The following CTNNA3 variants were observed in gnomAD, a reference collection of about 807,000 sequenced individuals.
CTNNA3 encodes the protein catenin alpha-3.
A neutral mutation model predicts 95.7 loss-of-function variants in CTNNA3; 76 were observed. That is an observed-to-expected ratio of 0.79 (90% CI 0.66 to 0.96). CTNNA3 has a LOEUF of 0.96. CTNNA3 is among the 40% of genes least tolerant of loss of function. The pLI, the probability that CTNNA3 is intolerant of heterozygous loss-of-function variation, is 0.00. For synonymous variants in CTNNA3, 431 were observed against 374.4 expected, an observed-to-expected ratio of 1.15 and a Z score of -1.74; for missense variants, 1,191 against 1,089.8, an observed-to-expected ratio of 1.09 and a Z score of -1.31.
chr10:67,485,938 T>C lies in CTNNA3; in HGVS notation c.579+35904A>G, dbSNP rs79943783. Among the ~76,000 whole-genome samples, 4,450 of 152,290 alleles carry C rather than the reference T, an allele frequency of 0.029. 413 individuals are homozygous for C. The East Asian group carries it at 0.34, about 12-fold the overall frequency. ...CTTTTGTTTCAGTGAAATTCATATT[T>C]TCCCTACAGGGATATAAATAATGCC... On this transcript the variant is annotated intron_variant, in intron 5 of 17. Transcript: ENST00000433211.
chr10:67,389,958 A>G (rs1199700607), intron 5 of CTNNA3, among the ~76,000 whole-genome samples: 2 of 151,338 alleles, frequency 1.3e-5, no homozygotes, highest in East Asian at 1.9e-4. Flanking sequence ...AGAAAGCAGG[A>G]AAGATCCAAA....
chr10:67,169,976 T>A (rs1301393327), intron 7 of CTNNA3, among the ~76,000 whole-genome samples: 1 of 152,148 alleles, frequency 6.6e-6, no homozygotes, highest in Non-Finnish European at 1.5e-5. Flanking sequence ...TGAACACACT[T>A]TTCAAAAGAA....
chr10:66,941,751 G>T (rs1413947934), intron 7 of CTNNA3, among the ~76,000 whole-genome samples: 1 of 152,170 alleles, frequency 6.6e-6, no homozygotes, highest in Non-Finnish European at 1.5e-5. Flanking sequence ...GCTGAGTGTG[G>T]CTGAAAGAGG....
intron 13 of CTNNA3, among the ~76,000 whole-genome samples, chr10:66,130,218 G>T (rs1339235033): frequency 1.3e-5 from 2 of 152,116 alleles, no homozygotes; most frequent in Non-Finnish European, 2.9e-5. Flanking sequence ...TAAAGCAGTG[G>T]TAAGAGGGAA....
intron 9 of CTNNA3, among the ~76,000 whole-genome samples, chr10:66,662,224 A>T (rs529328095): frequency 6.6e-6 from 1 of 152,318 alleles, no homozygotes; most frequent in African/African-American, 2.4e-5. Context: ...AACTTTTCTT[A>T]AAACAATGGA....
intron 9 of CTNNA3, among the ~76,000 whole-genome samples, chr10:66,734,398 T>C (rs1327908801): frequency 6.6e-6 from 1 of 152,154 alleles, no homozygotes; most frequent in Non-Finnish European, 1.5e-5. Flanking sequence ...CTATTAGTTG[T>C]TAATATAATA....
intron 14 of CTNNA3, among the ~76,000 whole-genome samples, chr10:66,102,685 T>TGTGGTGGTGGTGGCAGTG (rs1161939077): frequency 1.3e-5 from 2 of 151,756 alleles, no homozygotes; most frequent in Non-Finnish European, 2.9e-5. Flanking sequence ...TTTGGAGTTG[T>TGTGGTGGTGGTGGCAGTG]GTGGTGGTGG....
At chr10:66,845,381 T>C (rs533894302) in intron 7 of CTNNA3, among the ~76,000 whole-genome samples, 5 of 152,200 alleles carry the variant, frequency 3.3e-5, no homozygotes, top group South Asian at 2.1e-4. Flanking sequence ...GGCAAAGATA[T>C]GGTAATGGAC....
intron 11 of CTNNA3, among the ~76,000 whole-genome samples, chr10:66,400,874 T>A (rs978192142): frequency 2.6e-5 from 4 of 152,112 alleles, no homozygotes; most frequent in Non-Finnish European, 4.4e-5. Flanking sequence ...ACTAGTATAA[T>A]TGGGTGTGTC....
At chr10:67,306,048 T>C (rs1368480236) in intron 5 of CTNNA3, among the ~76,000 whole-genome samples, 1 of 152,088 alleles carries the variant, frequency 6.6e-6, no homozygotes, top group Non-Finnish European at 1.5e-5. Flanking sequence ...GGGGTGGAAC[T>C]AGAAGTCAAA....
At chr10:67,340,030 C>T (rs1391218713) in intron 5 of CTNNA3, among the ~76,000 whole-genome samples, 1 of 151,986 alleles carries the variant, frequency 6.6e-6, no homozygotes, top group Admixed American at 6.6e-5. Flanking sequence ...ATTTAAATGC[C>T]TAATAAAATA....
chr10:66,786,239 C>T (rs1457137264), intron 7 of CTNNA3, among the ~76,000 whole-genome samples: 2 of 152,068 alleles, frequency 1.3e-5, no homozygotes, highest in Non-Finnish European at 2.9e-5. Flanking sequence ...ATATACTCTC[C>T]TCAAATTACC....
intron 13 of CTNNA3, among the ~76,000 whole-genome samples, chr10:66,172,584 G>A (rs1054723634): frequency 2.6e-5 from 4 of 151,570 alleles, no homozygotes; most frequent in Non-Finnish European, 5.9e-5. Context: ...CATTATTTGC[G>A]AGAAAATTTC....
At chr10:66,418,452 T>G (rs186798122) in intron 11 of CTNNA3, among the ~76,000 whole-genome samples, 353 of 151,018 alleles carry the variant, frequency 2.3e-3, no homozygotes, top group African/African-American at 6.9e-3. Context: ...AAACAAGAAC[T>G]AATACCAATC....
chr10:66,083,902 G>A lies in CTNNA3; in HGVS notation c.1978-14413C>T, dbSNP rs376038109. Among the ~76,000 whole-genome samples, 5 of 152,158 alleles carry A rather than the reference G, an allele frequency of 3.3e-5. No individual in the cohort carries two copies. In the East Asian group the frequency reaches 5.8e-4, roughly 18 times the overall value. On this transcript the variant is annotated intron_variant, in intron 14 of 17. Transcript: ENST00000433211. ...TGTAATCCCAGCACTTTGGGAGGCCGAGGCAGGTGGATTACCTAAGGTTGG... is the reference window on the plus strand; with the variant it reads ...TGTAATCCCAGCACTTTGGGAGGCCAAGGCAGGTGGATTACCTAAGGTTGG...
At chr10:66,675,778 T>G (rs1846831886) in intron 9 of CTNNA3, among the ~76,000 whole-genome samples, 1 of 152,250 alleles carries the variant, frequency 6.6e-6, no homozygotes, top group Non-Finnish European at 1.5e-5. Context: ...ACTGTTTGGG[T>G]TACTATTTGC....
At chr10:66,879,302 A>G (rs903800272) in intron 7 of CTNNA3, among the ~76,000 whole-genome samples, 1 of 152,174 alleles carries the variant, frequency 6.6e-6, no homozygotes, top group African/African-American at 2.4e-5. Context: ...CTCTGCTTAT[A>G]AAAACCAAGC....
At chr10:67,287,711 C>G (rs1194606990) in intron 5 of CTNNA3, among the ~76,000 whole-genome samples, 1 of 152,138 alleles carries the variant, frequency 6.6e-6, no homozygotes, top group African/African-American at 2.4e-5. Context: ...TATTCTTGGT[C>G]CAGTCTAAAC....
At chr10:66,530,148 A>G (rs931453052) in intron 10 of CTNNA3, among the ~76,000 whole-genome samples, 7 of 152,222 alleles carry the variant, frequency 4.6e-5, no homozygotes, top group Non-Finnish European at 8.8e-5. Flanking sequence ...TAAAAATTTT[A>G]CTTAATATAA....
Sources: gnomAD v4.1 joint callset for allele counts (sites outside exome capture counted in the v4.1 genomes callset) on GRCh38, gnomAD v4.1.1 for gene constraint, MANE v1.5 for transcripts, NCBI Gene and HGNC (gene_info 2026-07-23, HGNC 2026-07-21) for gene names.